The following MACROD2 variants were observed in gnomAD, a reference collection of about 807,000 sequenced individuals.
The protein encoded by MACROD2 is mono-ADP ribosylhydrolase 2.
MACROD2 carries 36 observed loss-of-function variants against 70.4 expected under a neutral mutation model. The ratio of observed to expected loss-of-function variants is 0.51; its 90% confidence interval spans 0.39 to 0.68. MACROD2 has a LOEUF of 0.68. Among genes scored for constraint, MACROD2 ranks in the 30% least tolerant of loss-of-function variants. The pLI, the probability that MACROD2 is intolerant of heterozygous loss-of-function variation, is 0.00. For synonymous variants in MACROD2, 172 were observed against 178.8 expected (o/e 0.96, Z 0.30); for missense variants, 496 against 538.4 (o/e 0.92, Z 0.78).
intron 3 of MACROD2, among the ~76,000 whole-genome samples, chr20:14,382,356 A>C (rs2083430163): frequency 6.6e-6 from 1 of 151,442 alleles, no homozygotes; most frequent in Non-Finnish European, 1.5e-5. Flanking sequence ...CACCGTGACC[A>C]TACAGGATTG....
At chr20:14,418,518 G>A (rs772603065) in intron 3 of MACROD2, among the ~76,000 whole-genome samples, 51 of 152,196 alleles carry the variant, frequency 3.4e-4, no homozygotes, top group Admixed American at 7.2e-4. Flanking sequence ...GAAGGGATCC[G>A]TGGAGAAAGT....
intron 15 of MACROD2, among the ~76,000 whole-genome samples, chr20:15,996,087 T>G (rs2066628173): frequency 1.3e-5 from 2 of 152,264 alleles, no homozygotes; most frequent in Non-Finnish European, 1.5e-5. Context: ...TCATACTATT[T>G]TCCATAATGC....
intron 3 of MACROD2, among the ~76,000 whole-genome samples, chr20:14,271,624 A>G (rs1174866995): frequency 6.6e-6 from 1 of 152,248 alleles, no homozygotes; most frequent in Non-Finnish European, 1.5e-5. Context: ...CTCACCAGCA[A>G]CGGAACAAAG....
At chr20:14,218,049 G>A (rs745809220) in intron 3 of MACROD2, among the ~76,000 whole-genome samples, 2 of 152,150 alleles carry the variant, frequency 1.3e-5, no homozygotes, top group Non-Finnish European at 2.9e-5. Context: ...CCAAGATATA[G>A]TTTAAATCCA....
chr20:15,537,610 A>T (rs373181673), intron 8 of MACROD2, among the ~76,000 whole-genome samples: 20 of 151,684 alleles, frequency 1.3e-4, no homozygotes, highest in African/African-American at 4.8e-4. Flanking sequence ...AATAGCAGGG[A>T]CTACAGGTGC....
rs73614476 is a variant in MACROD2 at position 15,894,003 on chromosome 20, G to A, written c.775+8192G>A. On this transcript the variant is annotated intron_variant, in intron 10 of 17. Coordinates refer to ENST00000684519, the MANE Select transcript of MACROD2 (RefSeq NM_001351661.2). ...AGGAATAGCTGGGCTCTAGGGTCTC[G>A]CTTTCCCATGCTCAGTCACTGGCTG... 4.7e-3 allele frequency: 2,089 copies of A among 445,538 alleles called. 26 individuals are homozygous for A. Among genetic ancestry groups the A allele is most frequent in the East Asian group, 0.023 (323 of 14,310 alleles). The allele number at this position is 445,538 out of a possible 1,614,324, so 27.6% of individuals were successfully genotyped here. A position where few individuals can be genotyped will look rare whatever the true frequency, so the allele number is the denominator to read the frequency against.
chr20:14,311,343 G>A (rs1336413872), intron 3 of MACROD2, among the ~76,000 whole-genome samples: 3 of 152,024 alleles, frequency 2.0e-5, no homozygotes, highest in Admixed American at 6.6e-5. Context: ...AGTAACATGC[G>A]GTACAGGTTT....
rs1220883082 is a variant in MACROD2 at position 14,313,391 on chromosome 20, C to G, written c.272-180088C>G. Among the ~76,000 whole-genome samples, 3 of 151,334 alleles carry G rather than the reference C, an allele frequency of 2.0e-5. No homozygotes were observed. In the East Asian group the frequency reaches 5.8e-4, roughly 29 times the overall value. On this transcript the variant is annotated intron_variant, in intron 3 of 17. Coordinates refer to ENST00000684519, the MANE Select transcript of MACROD2 (RefSeq NM_001351661.2). ...AATGACTTATAAATTTACTTTCACA[C>G]AATTATTAAAGATTTACTGTAAACT... is the stretch of plus-strand genomic sequence containing the variant.
chr20:14,544,757 G>A (rs1458352114), intron 4 of MACROD2, among the ~76,000 whole-genome samples: 1 of 152,152 alleles, frequency 6.6e-6, no homozygotes, highest in Admixed American at 6.6e-5. Flanking sequence ...TGATGCTGTG[G>A]CATTCTGAGA....
At chr20:14,528,731 G>A (rs951666892) in intron 4 of MACROD2, among the ~76,000 whole-genome samples, 4 of 152,216 alleles carry the variant, frequency 2.6e-5, no homozygotes, top group East Asian at 1.9e-4. Flanking sequence ...GTGTTGTCCA[G>A]AAAACGGACA....
intron 5 of MACROD2, among the ~76,000 whole-genome samples, chr20:14,715,224 A>C (rs1299570814): frequency 6.6e-6 from 1 of 152,152 alleles, no homozygotes; most frequent in Non-Finnish European, 1.5e-5. Context: ...ATCAGATCTC[A>C]TGAGGACTTA....
intron 5 of MACROD2, among the ~76,000 whole-genome samples, chr20:14,763,568 G>T (rs1472860855): frequency 6.6e-6 from 1 of 152,118 alleles, no homozygotes; most frequent in Non-Finnish European, 1.5e-5. Context: ...GACAGTAAAA[G>T]AAGAAGTTCT....
At chr20:14,348,177 G>T (rs1011924913) in intron 3 of MACROD2, among the ~76,000 whole-genome samples, 3 of 151,584 alleles carry the variant, frequency 2.0e-5, no homozygotes, top group Non-Finnish European at 4.4e-5. Flanking sequence ...GCTGAGGCAG[G>T]AGAATTGCTT....
intron 5 of MACROD2, among the ~76,000 whole-genome samples, chr20:14,694,181 G>T (rs1435866245): frequency 1.3e-5 from 2 of 152,128 alleles, no homozygotes; most frequent in Non-Finnish European, 2.9e-5. Flanking sequence ...ATACATTTTT[G>T]AAATGTTCTC....
chr20:15,156,507 A>G (rs1258536939), intron 5 of MACROD2, among the ~76,000 whole-genome samples: 1 of 151,956 alleles, frequency 6.6e-6, no homozygotes, highest in Non-Finnish European at 1.5e-5. Context: ...TATCCCCTTG[A>G]CTCACCCCAA....
Position 15,359,117 on chromosome 20 carries a change from A to T in MACROD2, c.541-72288A>T, listed in dbSNP as rs146032264. 5.4e-4 allele frequency among the ~76,000 whole-genome samples: 83 copies of T among 152,302 alleles called. 1 individual carries two copies. The East Asian group carries it at 0.016, about 29-fold the overall frequency. ...GATTTTTCACTTAGAAAAACTATACAGTTGGTCTTAGAATTTAATTAAATT... is the reference window on the plus strand; with the variant it reads ...GATTTTTCACTTAGAAAAACTATACTGTTGGTCTTAGAATTTAATTAAATT... On this transcript the variant is annotated intron_variant, in intron 6 of 17. Coordinates refer to ENST00000684519, the MANE Select transcript of MACROD2 (RefSeq NM_001351661.2).
At chr20:14,922,372 C>T (rs1408637653) in intron 5 of MACROD2, among the ~76,000 whole-genome samples, 1 of 152,092 alleles carries the variant, frequency 6.6e-6, no homozygotes, top group African/African-American at 2.4e-5. Flanking sequence ...GGCTTCTTAA[C>T]CACCCCTAAT....
chr20:14,941,740 C>G (rs1358072101), intron 5 of MACROD2, among the ~76,000 whole-genome samples: 2 of 151,726 alleles, frequency 1.3e-5, no homozygotes, highest in Non-Finnish European at 2.9e-5. Flanking sequence ...TGTCAAAGAA[C>G]TTTTTAGTTA....
rs1395388854 is a variant in MACROD2, at chr20:15,188,327, A to G, written c.419-41613A>G. Among the ~76,000 whole-genome samples the G allele has an allele frequency of 2.6e-5, 4 of 152,178 alleles. No individual in the cohort carries two copies. In the South Asian group the frequency reaches 6.2e-4, roughly 24 times the overall value. ...TAGCAGATCAAAATAGAAAATACCT[A>G]CTTTGTGCTCAAATAACAATAAAAT... On this transcript the variant is annotated intron_variant, in intron 5 of 17. Transcript: ENST00000684519.
Sources: gnomAD v4.1 joint callset for allele counts (sites outside exome capture counted in the v4.1 genomes callset) on GRCh38, gnomAD v4.1.1 for gene constraint, MANE v1.5 for transcripts, NCBI Gene and HGNC (gene_info 2026-07-23, HGNC 2026-07-21) for gene names.